Variants in TAB2 observed in about 807,000 individuals in gnomAD.
TAB2 encodes the protein TGF-beta activated kinase 1 (MAP3K7) binding protein 2, also known as TGF-beta-activated kinase 1 and MAP3K7-binding protein 2.
In TAB2, 3 loss-of-function variants were observed where a neutral mutation model predicts 65.0. The ratio of observed to expected loss-of-function variants is 0.05; its 90% CI spans 0.02 to 0.12. TAB2 has a LOEUF of 0.12. TAB2 is among the 10% of genes least tolerant of loss of function. TAB2 has a pLI of 1.00. For missense variants in TAB2, 623 were observed against 840.3 expected (o/e 0.74, Z 3.20); for synonymous variants, 298 against 285.1 (o/e 1.05, Z -0.46).
intron 1 of TAB2, among the ~76,000 whole-genome samples, chr6:149,223,345 T>A (rs1777196176): frequency 1.3e-5 from 2 of 152,248 alleles, no homozygotes; most frequent in African/African-American, 2.4e-5. Context: ...TGTTTTAGTT[T>A]GCAGAATCTG....
Position 149,374,459 on chromosome 6 carries a change from C to T in TAB2, c.103-3559C>T, listed in dbSNP as rs1037588186. On this transcript the variant is annotated intron_variant, in intron 2 of 6. Coordinates refer to ENST00000637181, the MANE Select transcript of TAB2 (RefSeq NM_001292034.3). ...TCTGGTGTCAAACTCCTGGGCCCAG[C>T]GATCATCCCGCCTTGGCCTCCCAAA... Among the ~76,000 whole-genome samples the T allele has an allele frequency of 3.9e-5, 6 of 152,208 alleles. No homozygotes were observed. In the South Asian group the frequency reaches 6.2e-4, roughly 16 times the overall value.
intron 6 of TAB2, among the ~76,000 whole-genome samples, chr6:149,405,887 T>G (rs1019323645): frequency 2.6e-5 from 4 of 152,096 alleles, no homozygotes; most frequent in African/African-American, 9.7e-5. Flanking sequence ...AAGGAGATCT[T>G]AAGTGTTCTC....
At chr6:149,357,426 AAAAAAC>A (rs1238228192) in intron 1 of TAB2, among the ~76,000 whole-genome samples, 30 of 73,626 alleles carry the variant, frequency 4.1e-4, no homozygotes, top group African/African-American at 2.0e-3. Flanking sequence ...AAGGAGAAAA[AAAAAAC>A]ACACACACAC....
At chr6:149,297,788 C>T (rs919575560) in intron 1 of TAB2, among the ~76,000 whole-genome samples, 2 of 152,178 alleles carry the variant, frequency 1.3e-5, no homozygotes, top group African/African-American at 4.8e-5. Flanking sequence ...CCACCTCAGC[C>T]TCCCAAAGCG....
intron 1 of TAB2, among the ~76,000 whole-genome samples, chr6:149,330,181 G>C (rs187176098): frequency 6.6e-6 from 1 of 151,796 alleles, no homozygotes; most frequent in Admixed American, 6.6e-5. Flanking sequence ...ATGCTAAAGA[G>C]TTTACCATTG....
At chr6:149,238,869 A>G (rs1262472857) in intron 1 of TAB2, among the ~76,000 whole-genome samples, 3 of 152,218 alleles carry the variant, frequency 2.0e-5, no homozygotes, top group Non-Finnish European at 4.4e-5. Context: ...AGACTGTCAC[A>G]TCTTAGACGA....
chr6:149,276,315 T>G (rs1041652168), intron 1 of TAB2, among the ~76,000 whole-genome samples: 9 of 152,174 alleles, frequency 5.9e-5, no homozygotes, highest in Non-Finnish European at 1.0e-4. Flanking sequence ...AGTATTAATA[T>G]GTTAATTGGT....
At chr6:149,361,701 T>C (rs954556906) in intron 1 of TAB2, among the ~76,000 whole-genome samples, 1 of 152,248 alleles carries the variant, frequency 6.6e-6, no homozygotes, top group African/African-American at 2.4e-5. Flanking sequence ...ATGGCCAGAC[T>C]GCATGTTTTC....
chr6:149,339,611 T>TA (rs1562422803), intron 1 of TAB2, among the ~76,000 whole-genome samples: 5 of 139,414 alleles, frequency 3.6e-5, no homozygotes, highest in African/African-American at 1.1e-4. Flanking sequence ...ATTTATTTTT[T>TA]TTTTTTTTTG....
intron 1 of TAB2, among the ~76,000 whole-genome samples, chr6:149,259,341 A>ACACACACG (rs1447257412): frequency 2.7e-5 from 2 of 75,038 alleles, no homozygotes; most frequent in Admixed American, 2.7e-4. Flanking sequence ...CTCTACACAC[A>ACACACACG]CACACACACA....
intron 1 of TAB2, among the ~76,000 whole-genome samples, chr6:149,345,807 T>C (rs534824480): frequency 2.0e-5 from 3 of 152,334 alleles, no homozygotes; most frequent in East Asian, 3.9e-4. Flanking sequence ...ACAAAAGGTG[T>C]TATACATGGA....
chr6:149,301,539 GA>G (rs1489408782), intron 1 of TAB2, among the ~76,000 whole-genome samples: 1 of 152,210 alleles, frequency 6.6e-6, no homozygotes, highest in Non-Finnish European at 1.5e-5. Context: ...CATTCATCAA[GA>G]AAGCATAGTG....
intron 1 of TAB2, among the ~76,000 whole-genome samples, chr6:149,229,140 G>A (rs967916318): frequency 1.3e-5 from 2 of 152,150 alleles, no homozygotes; most frequent in African/African-American, 2.4e-5. Flanking sequence ...TGTAATCCAC[G>A]CAGAAACAAA....
chr6:149,321,559 A>G (rs1364348056), intron 1 of TAB2, among the ~76,000 whole-genome samples: 1 of 152,208 alleles, frequency 6.6e-6, no homozygotes, highest in African/African-American at 2.4e-5. Flanking sequence ...CTTAACCTAC[A>G]TTCATTCAGC....
chr6:149,318,303 G>T (rs1284542299), intron 1 of TAB2, among the ~76,000 whole-genome samples: 1 of 151,318 alleles, frequency 6.6e-6, no homozygotes, highest in Non-Finnish European at 1.5e-5. Flanking sequence ...CATTGGAATC[G>T]AGCGCCTAGG....
chr6:149,337,654 G>A (rs1184860396), intron 1 of TAB2, among the ~76,000 whole-genome samples: 2 of 152,148 alleles, frequency 1.3e-5, no homozygotes, highest in South Asian at 2.1e-4. Context: ...AACTCATCTT[G>A]TAACACCACA....
rs1476554409 is a variant in TAB2 at position 149,253,991 on chromosome 6, A to AAAGAAAG, written c.-121+35218_-121+35224dup. Among the ~76,000 whole-genome samples, 3 of 148,976 alleles carry AAAGAAAG rather than the reference A, an allele frequency of 2.0e-5. No homozygotes were observed. The East Asian group carries it at 5.9e-4, about 29-fold the overall frequency. On this transcript the variant is annotated intron_variant, in intron 1 of 1. Transcript: ENST00000606202. ...GAAAGAAAGAAAGAAAGAAAGAAAG[A>AAAGAAAG]AAGAAAGAAAGAAAGAAAGAAAGAA...
intron 1 of TAB2, among the ~76,000 whole-genome samples, chr6:149,334,216 A>C (rs1226592006): frequency 6.6e-6 from 1 of 152,112 alleles, no homozygotes; most frequent in Non-Finnish European, 1.5e-5. Flanking sequence ...CTTCATCCTC[A>C]GGTCTCCTCT....
intron 1 of TAB2, among the ~76,000 whole-genome samples, chr6:149,286,517 A>G (rs2114690458): frequency 6.6e-6 from 1 of 152,342 alleles, no homozygotes; most frequent in Admixed American, 6.5e-5. Context: ...AACTTTTTGG[A>G]GAGAACTTTA....
Sources: gnomAD v4.1 joint callset for allele counts (sites outside exome capture counted in the v4.1 genomes callset) on GRCh38, gnomAD v4.1.1 for gene constraint, MANE v1.5 for transcripts, NCBI Gene and HGNC (gene_info 2026-07-23, HGNC 2026-07-21) for gene names.